The following SCARA5 variants were observed in gnomAD, a reference collection of about 807,000 sequenced individuals.
SCARA5 encodes scavenger receptor class A member 5.
SCARA5 carries 45 observed loss-of-function variants against 46.3 expected under a neutral mutation model. That is an observed-to-expected ratio of 0.97 (90% CI 0.76 to 1.24). SCARA5 has a LOEUF of 1.24. Ranked by LOEUF, SCARA5 falls within the 50% of genes most tolerant of loss-of-function variation. The pLI is 0.00. For missense variants in SCARA5, 680 were observed against 689.0 expected (o/e 0.99, Z 0.15); for synonymous variants, 333 against 306.5 (o/e 1.09, Z -0.90).
At chr8:27,956,745 CTTTA>C (rs1171983353) in intron 3 of SCARA5, among the ~76,000 whole-genome samples, 1 of 152,132 alleles carries the variant, frequency 6.6e-6, no homozygotes, top group Non-Finnish European at 1.5e-5. Flanking sequence ...AGGGGCCTCT[CTTTA>C]TTTCTCTTCC....
chr8:27,873,841 C>T, intron 8 of SCARA5, among the ~76,000 whole-genome samples: 1 of 152,162 alleles, frequency 6.6e-6, no homozygotes, highest in East Asian at 1.9e-4. Flanking sequence ...GTCAACATGG[C>T]AAAACCCCGT....
chr8:27,974,805 G>C (rs1319359908), intron 2 of SCARA5, among the ~76,000 whole-genome samples: 2 of 151,898 alleles, frequency 1.3e-5, no homozygotes, highest in East Asian at 1.9e-4. Context: ...ACCCACCTGA[G>C]TCCTGCCTGG....
At chr8:27,899,463 G>A (rs780532994) in intron 7 of SCARA5, among the ~76,000 whole-genome samples, 1 of 152,246 alleles carries the variant, frequency 6.6e-6, no homozygotes, top group African/African-American at 2.4e-5. Context: ...AAGTGGAAGT[G>A]CAGACAAGAG....
intron 3 of SCARA5, among the ~76,000 whole-genome samples, chr8:27,935,460 A>T (rs1377655431): frequency 1.3e-5 from 2 of 152,182 alleles, no homozygotes; most frequent in African/African-American, 4.8e-5. Flanking sequence ...CATAAAGACC[A>T]TCTGTGGAGT....
intron 3 of SCARA5, among the ~76,000 whole-genome samples, chr8:27,936,611 A>AAAAAAAAAAAAAAAAG (rs1807862022): frequency 6.8e-6 from 1 of 147,684 alleles, no homozygotes; most frequent in Non-Finnish European, 1.5e-5. Flanking sequence ...AAAAAAAAAA[A>AAAAAAAAAAAAAAAAG]GGTGGGGATG....
intron 5 of SCARA5, among the ~76,000 whole-genome samples, chr8:27,908,382 C>T (rs1807306526): frequency 6.6e-6 from 1 of 152,218 alleles, no homozygotes; most frequent in Non-Finnish European, 1.5e-5. Flanking sequence ...TAAACAAGTC[C>T]TTGACCGAGT....
chr8:27,932,882 C>T (rs1010650853), intron 3 of SCARA5, among the ~76,000 whole-genome samples: 2 of 152,242 alleles, frequency 1.3e-5, no homozygotes, highest in South Asian at 2.1e-4. Context: ...CCGCCCATCT[C>T]GGCCTCCCAA....
intron 3 of SCARA5, among the ~76,000 whole-genome samples, chr8:27,947,914 T>C (rs1175397234): frequency 2.0e-5 from 3 of 151,810 alleles, no homozygotes; most frequent in African/African-American, 2.4e-5. Context: ...TCCACTGATA[T>C]GAGGTCCCCA....
intron 3 of SCARA5, among the ~76,000 whole-genome samples, chr8:27,943,937 T>A (rs1338912985): frequency 1.3e-5 from 2 of 152,182 alleles, no homozygotes; most frequent in South Asian, 4.1e-4. Flanking sequence ...TCTGACCAAA[T>A]TTACCTTAAC....
At chr8:27,966,933 A>T (rs929784771) in intron 2 of SCARA5, among the ~76,000 whole-genome samples, 1 of 152,260 alleles carries the variant, frequency 6.6e-6, no homozygotes, top group Non-Finnish European at 1.5e-5. Flanking sequence ...TTGCAAACTC[A>T]AACTTCTACA....
At chr8:27,885,617 A>G (rs1806883023) in intron 7 of SCARA5, among the ~76,000 whole-genome samples, 1 of 152,108 alleles carries the variant, frequency 6.6e-6, no homozygotes, top group South Asian at 2.1e-4. Context: ...TTTGGTGGCA[A>G]CCTGAATGGA....
intron 7 of SCARA5, among the ~76,000 whole-genome samples, chr8:27,898,183 T>C (rs1807095108): frequency 6.6e-6 from 1 of 152,252 alleles, no homozygotes; most frequent in Non-Finnish European, 1.5e-5. Context: ...TCCTCTTGAA[T>C]GTATGTGAAG....
intron 3 of SCARA5, among the ~76,000 whole-genome samples, chr8:27,944,579 A>C (rs1170326771): frequency 6.6e-6 from 1 of 152,174 alleles, no homozygotes; most frequent in African/African-American, 2.4e-5. Flanking sequence ...TAAAAAATTA[A>C]GACCAGGCAT....
chr8:27,906,105 C>T (rs1807257627), intron 6 of SCARA5, among the ~76,000 whole-genome samples: 1 of 152,218 alleles, frequency 6.6e-6, no homozygotes, highest in African/African-American at 2.4e-5. Context: ...AAAACCTCAG[C>T]CTGTTTCATC....
chr8:27,944,918 T>G (rs1268864116), intron 3 of SCARA5, among the ~76,000 whole-genome samples: 1 of 151,824 alleles, frequency 6.6e-6, no homozygotes, highest in Non-Finnish European at 1.5e-5. Context: ...GTAATCCCAG[T>G]ACTCTGGGAA....
intron 5 of SCARA5, among the ~76,000 whole-genome samples, chr8:27,908,304 G>A (rs1807303384): frequency 1.3e-5 from 2 of 152,320 alleles, no homozygotes; most frequent in Non-Finnish European, 1.5e-5. Flanking sequence ...CAAGCCCCAG[G>A]GCTCTTGGCC....
At chr8:27,947,438 C>T (rs1181609560) in intron 3 of SCARA5, among the ~76,000 whole-genome samples, 2 of 152,100 alleles carry the variant, frequency 1.3e-5, no homozygotes, top group African/African-American at 4.8e-5. Context: ...ATGTTCATAG[C>T]AGTATTATTC....
chr8:27,927,400 T>A (rs1307413699), intron 3 of SCARA5, among the ~76,000 whole-genome samples: 1 of 152,232 alleles, frequency 6.6e-6, no homozygotes, highest in Non-Finnish European at 1.5e-5. Context: ...AAGGGAAAAT[T>A]CTTCCAGTGT....
At chr8:27,940,377 A>G (rs569267243) in intron 3 of SCARA5, among the ~76,000 whole-genome samples, 1 of 152,214 alleles carries the variant, frequency 6.6e-6, no homozygotes, top group Non-Finnish European at 1.5e-5. Context: ...GTGGACTCAC[A>G]GTGCAGTAAG....
Sources: gnomAD v4.1 joint callset for allele counts (sites outside exome capture counted in the v4.1 genomes callset) on GRCh38, gnomAD v4.1.1 for gene constraint, MANE v1.5 for transcripts, NCBI Gene and HGNC (gene_info 2026-07-23, HGNC 2026-07-21) for gene names.